The following ACMSD variants were observed in gnomAD, a reference collection of about 807,000 sequenced individuals.
ACMSD encodes the protein 2-amino-3-carboxymuconate-6-semialdehyde decarboxylase.
Under a neutral mutation model 45.9 loss-of-function variants are expected in ACMSD, and 37 were observed. That is an observed-to-expected ratio of 0.81 (90% CI 0.62 to 1.06). ACMSD has a LOEUF of 1.06. ACMSD is among the 50% of genes least tolerant of loss of function. ACMSD has a pLI of 0.00. For synonymous variants in ACMSD, 138 were observed against 148.8 expected, an observed-to-expected ratio of 0.93 and a Z score of 0.53; for missense variants, 434 against 420.9, an observed-to-expected ratio of 1.03 and a Z score of -0.27.
At position 134,898,356 on chromosome 2, in the gene ACMSD, G is replaced by A; in HGVS notation, c.865G>A (p.Gly289Arg). Reference sequence around the variant, plus strand: ...TGTTTTTTAGGATAAAGTCATTTTGGGAACCGATTACCCCTTTCCACTAGG... The same window carrying A: ...TGTTTTTTAGGATAAAGTCATTTTGAGAACCGATTACCCCTTTCCACTAGG... The part of the protein sequence containing the change: ...DVIGKDKVIL[G>R]TDYPFPLGEL... Residue 289 changes from glycine to arginine, a missense_variant, in exon 9 of 10, where the codon GGA becomes AGA. Transcript: ENST00000356140. 5 of 1,584,358 alleles carry A rather than the reference G, an allele frequency of 3.2e-6. No homozygotes were observed. The highest frequency in any genetic ancestry group is 1.7e-4 in the Middle Eastern group (1 of 5,918).
intron 2 of ACMSD, among the ~76,000 whole-genome samples, chr2:134,858,179 A>G (rs919520377): frequency 6.6e-6 from 1 of 152,210 alleles, no homozygotes; most frequent in Non-Finnish European, 1.5e-5. Flanking sequence ...GCATATATAC[A>G]TAATGGAATA....
At chr2:134,889,611 C>T (rs1476284507) in intron 8 of ACMSD, among the ~76,000 whole-genome samples, 1 of 152,014 alleles carries the variant, frequency 6.6e-6, no homozygotes, top group Non-Finnish European at 1.5e-5. Context: ...TACATAGCAA[C>T]ATTGTATTAG....
At chr2:134,883,428 G>A (rs1027491077) in intron 8 of ACMSD, among the ~76,000 whole-genome samples, 11 of 152,134 alleles carry the variant, frequency 7.2e-5, no homozygotes, top group Non-Finnish European at 4.4e-5. Flanking sequence ...CCTTAACCCA[G>A]GATTCCTCAT....
chr2:134,869,675 A>C (rs1336259576), intron 6 of ACMSD, among the ~76,000 whole-genome samples: 1 of 151,906 alleles, frequency 6.6e-6, no homozygotes, highest in Admixed American at 6.6e-5. Context: ...TGGAGCTTAT[A>C]TTCTGGTTAG....
intron 8 of ACMSD, among the ~76,000 whole-genome samples, chr2:134,887,544 C>G (rs1306610773): frequency 1.3e-5 from 2 of 152,172 alleles, no homozygotes; most frequent in Non-Finnish European, 2.9e-5. Context: ...GCTGGGATTA[C>G]AGGCATGCAC....
At chr2:134,846,992 G>A (rs1216243781) in intron 2 of ACMSD, among the ~76,000 whole-genome samples, 1 of 152,188 alleles carries the variant, frequency 6.6e-6, no homozygotes, top group Non-Finnish European at 1.5e-5. Context: ...AGGCCACCAA[G>A]TGGTAAAGAG....
chr2:134,854,752 C>G (rs1355093562), intron 2 of ACMSD, among the ~76,000 whole-genome samples: 1 of 152,214 alleles, frequency 6.6e-6, no homozygotes, highest in Non-Finnish European at 1.5e-5. Context: ...TTACTTCACA[C>G]ATAGGATGTG....
chr2:134,894,841 A>G (rs997003118), intron 8 of ACMSD, among the ~76,000 whole-genome samples: 1 of 152,166 alleles, frequency 6.6e-6, no homozygotes, highest in Non-Finnish European at 1.5e-5. Flanking sequence ...AGAAAATCCT[A>G]AAGAATCCAC....
intron 2 of ACMSD, 86 bp downstream of exon 2, chr2:134,845,363 GA>G: frequency 7.0e-7 from 1 of 1,425,058 alleles, no homozygotes. Flanking sequence ...GGCCTCCAGG[GA>G]ACCCCACTCT....
At chr2:134,855,875 T>C (rs1687557168) in intron 2 of ACMSD, among the ~76,000 whole-genome samples, 1 of 152,126 alleles carries the variant, frequency 6.6e-6, no homozygotes, top group Admixed American at 6.5e-5. Flanking sequence ...TTGGATGCAA[T>C]TCATGATCAA....
chr2:134,892,183 A>G (rs1213182679), intron 8 of ACMSD, among the ~76,000 whole-genome samples: 2 of 151,822 alleles, frequency 1.3e-5, no homozygotes, highest in African/African-American at 4.8e-5. Flanking sequence ...CCATTATGCA[A>G]TATCTCCATA....
chr2:134,886,253 T>A (rs953892620), intron 8 of ACMSD, among the ~76,000 whole-genome samples: 1,727 of 138,126 alleles, frequency 0.013, 21 homozygotes, highest in Non-Finnish European at 0.016. Context: ...ATTATTTTTT[T>A]TTTTTTTTTT....
Position 134,901,840 on chromosome 2 carries a change from G to C in ACMSD, c.991G>C (p.Glu331Gln). Residue 331 changes from glutamate to glutamine, a missense_variant, in exon 10 of 10, where the codon GAG becomes CAG. Transcript: ENST00000356140. ...AGNALAFLGLERKQFE is the reference protein window; with the variant it reads ...AGNALAFLGLQRKQFE Reference sequence around the variant, plus strand: ...CAATGCCCTGGCATTTTTGGGTCTTGAGAGAAAACAATTTGAATGACTGAA... The same window carrying C: ...CAATGCCCTGGCATTTTTGGGTCTTCAGAGAAAACAATTTGAATGACTGAA... 6.3e-7 allele frequency: 1 copy of C among 1,599,052 alleles called. No individual in the cohort carries two copies. Among genetic ancestry groups the C allele is most frequent in the Non-Finnish European group, 8.5e-7 (1 of 1,170,632 alleles).
At chr2:134,886,698 A>T (rs1306382779) in intron 8 of ACMSD, among the ~76,000 whole-genome samples, 1 of 152,208 alleles carries the variant, frequency 6.6e-6, no homozygotes, top group African/African-American at 2.4e-5. Context: ...AGAGGCAAAC[A>T]TGTCCACCCT....
At chr2:134,861,455 A>G (rs1573643612) in intron 3 of ACMSD, among the ~76,000 whole-genome samples, 1 of 152,270 alleles carries the variant, frequency 6.6e-6, no homozygotes, top group Admixed American at 6.5e-5. Context: ...AGAACCTAAC[A>G]TGTATTAACT....
chr2:134,865,157 C>T (rs1346416610), intron 5 of ACMSD, among the ~76,000 whole-genome samples: 6 of 152,124 alleles, frequency 3.9e-5, no homozygotes, highest in Non-Finnish European at 7.3e-5. Flanking sequence ...GTATCTATGG[C>T]GACTGCCCAC....
chr2:134,886,246 A>ATTTTT (rs756206850), intron 8 of ACMSD, among the ~76,000 whole-genome samples: 26 of 115,440 alleles, frequency 2.3e-4, no homozygotes, highest in East Asian at 5.5e-4. Context: ...TATTATTATT[A>ATTTTT]TTTTTTTTTT....
intron 9 of ACMSD, among the ~76,000 whole-genome samples, chr2:134,898,970 T>C (rs1690343118): frequency 6.6e-6 from 1 of 152,202 alleles, no homozygotes; most frequent in South Asian, 2.1e-4. Context: ...TAAACCAAGA[T>C]GAGTTTAAAA....
intron 8 of ACMSD, among the ~76,000 whole-genome samples, chr2:134,874,059 A>G (rs1319781972): frequency 6.6e-6 from 1 of 152,246 alleles, no homozygotes; most frequent in East Asian, 1.9e-4. Flanking sequence ...GGATACTATC[A>G]GCACCTTCAG....
Sources: gnomAD v4.1 joint callset for allele counts (sites outside exome capture counted in the v4.1 genomes callset) on GRCh38, gnomAD v4.1.1 for gene constraint, MANE v1.5 for transcripts, NCBI Gene and HGNC (gene_info 2026-07-23, HGNC 2026-07-21) for gene names.